The following ENTPD5 variants were observed in gnomAD, a reference collection of about 807,000 sequenced individuals.
ENTPD5 encodes the protein ectonucleoside triphosphate diphosphohydrolase 5 (inactive), also known as nucleoside diphosphate phosphatase ENTPD5.
A neutral mutation model predicts 60.2 loss-of-function variants in ENTPD5; 49 were observed. That is an observed-to-expected ratio of 0.81 (90% CI 0.65 to 1.03). The LOEUF is 1.03. ENTPD5 is among the 50% of genes least tolerant of loss of function. The pLI, the probability that ENTPD5 is intolerant of heterozygous loss-of-function variation, is 0.00. For missense variants in ENTPD5, 480 were observed against 507.6 expected, an observed-to-expected ratio of 0.95 and a Z score of 0.52; for synonymous variants, 187 against 185.4, an observed-to-expected ratio of 1.01 and a Z score of -0.07.
intron 3 of ENTPD5, among the ~76,000 whole-genome samples, chr14:74,001,277 C>T (rs1031350627): frequency 3.3e-5 from 5 of 152,034 alleles, no homozygotes; most frequent in African/African-American, 9.7e-5. Flanking sequence ...CCAAGGCAAG[C>T]GGATCACGAG....
At position 73,969,998 on chromosome 14, in the gene ENTPD5, CCT is replaced by C. The variant is rs2140473358; in HGVS notation, c.1200+10_1200+11del. ...GAGGGCTGTTATGAGACTCTGGTGT[CCT>C]GTCTCTTACCTGTAAGACTGTGCTG... On this transcript the variant is annotated intron_variant, in intron 15 of 15. Coordinates refer to ENST00000334696, the MANE Select transcript of ENTPD5 (RefSeq NM_001249.5). 1.3e-6 allele frequency: 2 copies of C among 1,585,774 alleles called. No individual in the cohort carries two copies. Among genetic ancestry groups the C allele is most frequent in the South Asian group, 2.2e-5 (2 of 90,486 alleles).
chr14:74,011,764 T>C (rs977633967), intron 2 of ENTPD5, among the ~76,000 whole-genome samples: 3 of 152,060 alleles, frequency 2.0e-5, no homozygotes, highest in African/African-American at 7.2e-5. Flanking sequence ...GAGGTCTTTT[T>C]TTGCTGTTAA....
chr14:73,998,501 T>G (rs2058407234), intron 3 of ENTPD5, among the ~76,000 whole-genome samples: 1 of 152,000 alleles, frequency 6.6e-6, no homozygotes, highest in Non-Finnish European at 1.5e-5. Context: ...TAGCAATTTC[T>G]TACTGCTGCT....
intron 5 of ENTPD5, among the ~76,000 whole-genome samples, chr14:73,985,840 G>A (rs980914494): frequency 2.0e-5 from 3 of 152,014 alleles, no homozygotes; most frequent in Non-Finnish European, 4.4e-5. Flanking sequence ...TTGAGAGGCT[G>A]ACATGGGCGG....
chr14:73,987,863 C>G (rs555587045), intron 4 of ENTPD5, 23 bp downstream of exon 4: 14 of 1,612,554 alleles, frequency 8.7e-6, no homozygotes, highest in Admixed American at 1.7e-5. Flanking sequence ...ACAGACTCTA[C>G]TAAGGGTCCC....
chr14:73,955,357 C>T, downstream of ENTPD5: 1 of 921,928 alleles, frequency 1.1e-6, no homozygotes. Flanking sequence ...TTGAAGAACA[C>T]TGAAAACAAC....
intron 3 of ENTPD5, among the ~76,000 whole-genome samples, chr14:74,005,273 AAAAAAAAAGAAAAAAAG>A (rs200057478): frequency 0.059 from 8,389 of 142,308 alleles, 379 homozygotes; most frequent in South Asian, 0.23. Context: ...CTCAAAAAAA[AAAAAAAAAGAAAAAAAG>A]AAAAAAAGAA....
At chr14:74,017,267 G>A (rs1289319822) in intron 1 of ENTPD5, among the ~76,000 whole-genome samples, 3 of 151,264 alleles carry the variant, frequency 2.0e-5, no homozygotes, top group East Asian at 1.9e-4. Flanking sequence ...GCGGTGGGCC[G>A]AGATCGTGCT....
At chr14:73,977,165 AT>A in intron 7 of ENTPD5, 106 bp from the exon 8 acceptor site, 1 of 1,270,002 alleles carries the variant, frequency 7.9e-7, no homozygotes, top group Non-Finnish European at 1.1e-6. Flanking sequence ...TCTAGAGCAC[AT>A]GTTCCCTTCT....
chr14:73,965,110 T>A lies in ENTPD5; in HGVS notation c.*1818A>T, dbSNP rs1043810808. On this transcript the variant is annotated 3_prime_UTR_variant, in exon 16 of 16. Transcript: ENST00000334696. ...AGTCTAAAGAAATTCCACAATGAAT[T>A]TAAAGACAAGAATTTTAGGGACAAG... The A allele has an allele frequency of 1.3e-5, 2 of 152,164 alleles. No individual in the cohort carries two copies. The highest frequency in any genetic ancestry group is 4.8e-5 in the African/African-American group (2 of 41,442). The allele number at this position is 152,164 out of a possible 1,614,324, so 9.4% of individuals were successfully genotyped here.
At chr14:73,971,250 C>T (rs532684577) in intron 14 of ENTPD5, among the ~76,000 whole-genome samples, 1 of 151,906 alleles carries the variant, frequency 6.6e-6, no homozygotes, top group East Asian at 1.9e-4. Flanking sequence ...CTCTGCCTCC[C>T]AGGTTCAAGC....
rs1161852956 is a variant in ENTPD5 at position 73,988,107 on chromosome 14, T to C, written c.-5A>G. The C allele has an allele frequency of 5.0e-6, 8 of 1,607,022 alleles. No individual in the cohort carries two copies. Among genetic ancestry groups the C allele is most frequent in the Non-Finnish European group, 6.8e-6 (8 of 1,177,076 alleles). ...TGTGCCCCAAGAAGTGGCCATTCTTTTCCCAAGATGTGGCTGGGTGGAGGC... is the reference window on the plus strand; with the variant it reads ...TGTGCCCCAAGAAGTGGCCATTCTTCTCCCAAGATGTGGCTGGGTGGAGGC... On this transcript the variant is annotated 5_prime_UTR_variant, in exon 4 of 16. Coordinates refer to ENST00000334696, the MANE Select transcript of ENTPD5 (RefSeq NM_001249.5).
chr14:73,978,773 G>T (rs2140535424), intron 6 of ENTPD5, among the ~76,000 whole-genome samples: 1 of 151,920 alleles, frequency 6.6e-6, no homozygotes, highest in South Asian at 2.1e-4. Flanking sequence ...AGCCGGGCAT[G>T]ATGGCGCATG....
rs1786601349 is a variant in ENTPD5, at chr14:73,973,037, G to A, written c.887-13C>T. ...AAGCCCACCTCCCCTGCCAGGCAAA[G>A]GTGCACAGGGGTAAGGTGAGAACGA... On this transcript the variant is annotated splice_polypyrimidine_tract_variant and intron_variant, in intron 12 of 15. Coordinates refer to ENST00000334696, the MANE Select transcript of ENTPD5 (RefSeq NM_001249.5). The A allele has an allele frequency of 6.2e-7, 1 of 1,613,758 alleles. No homozygotes were observed.
downstream of ENTPD5, chr14:73,957,948 G>A: frequency 1.8e-6 from 1 of 565,430 alleles, no homozygotes; most frequent in Non-Finnish European, 3.2e-6. Context: ...GAACTTCAAT[G>A]TCTTTTTTTG....
intron 2 of ENTPD5, among the ~76,000 whole-genome samples, chr14:74,014,638 T>G (rs906858898): frequency 2.0e-5 from 3 of 152,218 alleles, no homozygotes; most frequent in Non-Finnish European, 2.9e-5. Flanking sequence ...TTTTTAAAAA[T>G]TTATCTAAAA....
downstream of ENTPD5, among the ~76,000 whole-genome samples, chr14:73,962,291 ATTATCT>A (rs1191018901): frequency 6.6e-6 from 1 of 152,038 alleles, no homozygotes; most frequent in Non-Finnish European, 1.5e-5. Context: ...CTGTAAAATT[ATTATCT>A]TTATGTGTTT....
At chr14:74,004,329 G>A (rs1288998696) in intron 3 of ENTPD5, among the ~76,000 whole-genome samples, 2 of 151,840 alleles carry the variant, frequency 1.3e-5, no homozygotes, top group African/African-American at 4.8e-5. Context: ...CACCACACCC[G>A]GCTAATTTTT....
intron 1 of ENTPD5, among the ~76,000 whole-genome samples, chr14:74,016,405 G>A (rs1383802371): frequency 6.6e-6 from 1 of 152,226 alleles, no homozygotes; most frequent in Non-Finnish European, 1.5e-5. Flanking sequence ...GGGAGGCCAA[G>A]GCAGGAGGAT....
Sources: allele counts gnomAD v4.1 joint callset (sites outside exome capture counted in the v4.1 genomes callset), GRCh38; gene constraint gnomAD v4.1.1; transcripts MANE v1.5; gene names NCBI Gene and HGNC (gene_info 2026-07-23, HGNC 2026-07-21).